Variants in DYSF observed in about 807,000 individuals in gnomAD.
DYSF encodes the protein dysferlin.
In DYSF, 212 loss-of-function variants were observed where a neutral mutation model predicts 274.9. The observed-to-expected ratio is 0.77, with a 90% CI of 0.69 to 0.86. The LOEUF is 0.86. Ranked by LOEUF, DYSF falls within the 40% of genes least tolerant of loss-of-function variation. DYSF has a pLI of 0.00. For missense variants in DYSF, 2,666 were observed against 2,783.2 expected (o/e 0.96, Z 0.95); for synonymous variants, 1,091 against 1,078.7 (o/e 1.01, Z -0.22).
chr2:71,539,101 G>C, intron 16 of DYSF, 56 bp from the exon 17 acceptor site: 2 of 1,504,128 alleles, frequency 1.3e-6, no homozygotes, highest in Non-Finnish European at 9.2e-7. Flanking sequence ...TCCTGGGTGG[G>C]CTGTGGCCTG....
chr2:71,507,212 G>T (rs2085572891), intron 4 of DYSF, among the ~76,000 whole-genome samples: 2 of 152,118 alleles, frequency 1.3e-5, no homozygotes, highest in South Asian at 4.1e-4. Context: ...GGTGTGCAGT[G>T]AGTGGATAGC....
chr2:71,502,647 G>A (rs2085096613), intron 3 of DYSF, among the ~76,000 whole-genome samples: 2 of 152,206 alleles, frequency 1.3e-5, no homozygotes, highest in Admixed American at 6.5e-5. Context: ...AGCCTCTGGT[G>A]CGTGTGGTAT....
At chr2:71,594,950 C>T (rs1278695459) in intron 32 of DYSF, among the ~76,000 whole-genome samples, 2 of 152,208 alleles carry the variant, frequency 1.3e-5, no homozygotes, top group African/African-American at 4.8e-5. Flanking sequence ...TCTCATTCAT[C>T]TTCCTATTCC....
intron 36 of DYSF, among the ~76,000 whole-genome samples, chr2:71,604,783 C>T (rs913415761): frequency 6.6e-6 from 1 of 152,230 alleles, no homozygotes; most frequent in South Asian, 2.1e-4. Context: ...GAAATACTGT[C>T]TGCCCTTGTC....
rs12470028 is a variant in DYSF, at chr2:71,481,990, G to T, written c.239+20G>T. On this transcript the variant is annotated intron_variant, in intron 3 of 55. Coordinates refer to ENST00000410020, the MANE Select transcript of DYSF (RefSeq NM_001130987.2). ...GAACAGGTAAGGTGGCCAGAGGGGG[G>T]TGCTCCATGGCTTGAAGGTGCAGGT... is the stretch of plus-strand genomic sequence containing the variant. The T allele has an allele frequency of 1.1e-5, 18 of 1,601,462 alleles. No homozygotes were observed. The highest frequency in any genetic ancestry group is 1.5e-5 in the Non-Finnish European group (17 of 1,169,434).
In DYSF at chr2:71,520,843, C is replaced by A. The variant is rs1185566263; in HGVS notation, c.1088C>A (p.Ala363Asp). Residue 363 changes from alanine (A) to aspartate (D), a missense_variant, in exon 12 of 56, where the codon GCT becomes GAT. Coordinates refer to ENST00000410020, the MANE Select transcript of DYSF (RefSeq NM_001130987.2). The stretch of plus-strand genomic sequence containing the variant: ...CTCTCAGACCCTGATGACTTCTCTG[C>A]TGGGGCCAGAGGCTACCTGAAAACA... ...LLLSDPDDFS[A>D]GARGYLKTSL... The A allele has an allele frequency of 6.2e-7, 1 of 1,614,114 alleles. No individual in the cohort carries two copies. Among genetic ancestry groups the A allele is most frequent in the Admixed American group, 1.7e-5 (1 of 60,024 alleles).
At chr2:71,590,450 T>C (rs919712005) in intron 32 of DYSF, among the ~76,000 whole-genome samples, 162 bp downstream of exon 32, 2 of 152,196 alleles carry the variant, frequency 1.3e-5, no homozygotes, top group African/African-American at 4.8e-5. Context: ...CAGCAAACTC[T>C]TGTCCATGGC....
At chr2:71,650,840 A>G (rs1427304547) in intron 42 of DYSF, among the ~76,000 whole-genome samples, 2 of 152,208 alleles carry the variant, frequency 1.3e-5, no homozygotes, top group African/African-American at 4.8e-5. Context: ...GTGCTAAAAC[A>G]CTACATATTA....
At chr2:71,551,218 AG>A (rs2090920683) in intron 18 of DYSF, 62 bp downstream of exon 18, 1 of 1,550,916 alleles carries the variant, frequency 6.4e-7, no homozygotes, top group African/African-American at 1.4e-5. Flanking sequence ...TCAGGAGCCC[AG>A]GCCTGCATGC....
At chr2:71,528,656 T>C (rs2088266793) in intron 14 of DYSF, among the ~76,000 whole-genome samples, 2 of 151,976 alleles carry the variant, frequency 1.3e-5, no homozygotes, top group Non-Finnish European at 2.9e-5. Context: ...GGAGAGGACG[T>C]TGGATGGTGG....
chr2:71,572,510 A>G (rs2092552489), intron 29 of DYSF, among the ~76,000 whole-genome samples: 1 of 152,238 alleles, frequency 6.6e-6, no homozygotes, highest in Non-Finnish European at 1.5e-5. Context: ...GGCAGAAGCT[A>G]AGACGTAGAT....
At chr2:71,499,064 G>T (rs1171733193) in intron 3 of DYSF, among the ~76,000 whole-genome samples, 3 of 152,158 alleles carry the variant, frequency 2.0e-5, no homozygotes, top group Admixed American at 1.3e-4. Flanking sequence ...ATTTAAAAAC[G>T]CAGTGAAAAT....
rs1351695647 is a variant in DYSF, at chr2:71,570,918, GCATA to G, written c.3228+180_3228+183del. ...CCAGCATACCCAAAGATCACACCCA[GCATA>G]CACACAGATCACACCCAGCATACCC... On this transcript the variant is annotated intron_variant, in intron 29 of 55. Coordinates refer to ENST00000410020, the MANE Select transcript of DYSF (RefSeq NM_001130987.2). The G allele has an allele frequency of 2.9e-5, 25 of 860,180 alleles. No homozygotes were observed. The African/African-American group carries it at 3.9e-4, about 13-fold the overall frequency. The allele number at this position is 860,180 out of a possible 1,614,324, so 53.3% of individuals were successfully genotyped here.
In DYSF at chr2:71,513,697, T is replaced by G; in HGVS notation, c.554-19T>G. 6.2e-7 allele frequency: 1 copy of G among 1,612,890 alleles called. No homozygotes were observed. Among genetic ancestry groups the G allele is most frequent in the Non-Finnish European group, 8.5e-7 (1 of 1,179,518 alleles). ...AGGGCCAGAGGGATCCAGGCCTCAT[T>G]AGGGCCCTCTCCTCTTAGACACAGG... On this transcript the variant is annotated intron_variant, in intron 6 of 55. Coordinates refer to ENST00000410020, the MANE Select transcript of DYSF (RefSeq NM_001130987.2).
chr2:71,545,739 A>G (rs1001077996), intron 17 of DYSF, among the ~76,000 whole-genome samples: 1 of 152,032 alleles, frequency 6.6e-6, no homozygotes, highest in African/African-American at 2.4e-5. Flanking sequence ...AGCCGTGCCT[A>G]CCACCAGCCC....
At chr2:71,526,151 C>A (rs1419799290) in intron 12 of DYSF, 69 bp from the exon 13 acceptor site, 2 of 1,613,410 alleles carry the variant, frequency 1.2e-6, no homozygotes, top group African/African-American at 2.7e-5. Context: ...AGCTGGAACT[C>A]TTAGAAAAGG....
chr2:71,549,513 C>T, intron 17 of DYSF: 1 of 949,034 alleles, frequency 1.1e-6, no homozygotes, highest in East Asian at 2.6e-5. Context: ...GATTCCCCCA[C>T]AAAGGTAAGT....
At chr2:71,473,366 ATGG>A (rs1483014352) in intron 1 of DYSF, among the ~76,000 whole-genome samples, 1 of 152,184 alleles carries the variant, frequency 6.6e-6, no homozygotes, top group Non-Finnish European at 1.5e-5. Flanking sequence ...GTGTATTCTA[ATGG>A]GGCCGTCAAG....
chr2:71,501,704 G>A (rs1463936778), intron 3 of DYSF, among the ~76,000 whole-genome samples: 2 of 152,258 alleles, frequency 1.3e-5, no homozygotes, highest in East Asian at 1.9e-4. Context: ...ATGTCTCCAA[G>A]GTCCATCCAT....
Sources: allele counts gnomAD v4.1 joint callset (sites outside exome capture counted in the v4.1 genomes callset), GRCh38; gene constraint gnomAD v4.1.1; transcripts MANE v1.5; gene names NCBI Gene and HGNC (gene_info 2026-07-23, HGNC 2026-07-21).